The following GCN1 variants were observed in gnomAD, a reference collection of about 807,000 sequenced individuals.
GCN1 encodes stalled ribosome sensor GCN1.
A neutral mutation model predicts 288.4 loss-of-function variants in GCN1; 90 were observed. That is an observed-to-expected ratio of 0.31 (90% CI 0.26 to 0.37). The LOEUF (loss-of-function observed/expected upper bound fraction) is 0.37. GCN1 is among the 10% of genes least tolerant of loss of function. GCN1 has a pLI of 1.00. For synonymous variants in GCN1, 1,386 were observed against 1,420.2 expected, an observed-to-expected ratio of 0.98 and a Z score of 0.54; for missense variants, 2,586 against 3,419.9, an observed-to-expected ratio of 0.76 and a Z score of 6.08.
intron 20 of GCN1, among the ~76,000 whole-genome samples, 183 bp downstream of exon 20, chr12:120,162,664 T>C (rs1254412222): frequency 6.6e-6 from 1 of 152,256 alleles, no homozygotes; most frequent in African/African-American, 2.4e-5. Flanking sequence ...ACTTTGCAGG[T>C]AAATGAGGCA....
At chr12:120,136,841 A>G in intron 50 of GCN1, 109 bp from the exon 51 acceptor site, 1 of 746,484 alleles carries the variant, frequency 1.3e-6, no homozygotes, top group Non-Finnish European at 2.3e-6. Flanking sequence ...ACTCCATGGG[A>G]GATATTGATT....
Position 120,134,774 on chromosome 12 carries a change from A to G in GCN1, c.7009-48T>C. 1.3e-6 allele frequency: 2 copies of G among 1,500,358 alleles called. No individual in the cohort carries two copies. The highest frequency in any genetic ancestry group is 1.9e-6 in the Non-Finnish European group (2 of 1,079,302). The allele number at this position is 1,500,358 out of a possible 1,614,324, so 92.9% of individuals were successfully genotyped here. On this transcript the variant is annotated intron_variant, in intron 51 of 57. Coordinates refer to ENST00000300648, the MANE Select transcript of GCN1 (RefSeq NM_006836.2). The surrounding 1 kb of genome is among the most constrained non-coding windows in gnomAD (Gnocchi z 5.0). ...TGAAAGACAGTTGTGGTAGACCCAA[A>G]GCCACAGTGTACCACAGGCATGAGA...
At chr12:120,167,386 C>CTG (rs1878168199) in intron 16 of GCN1, among the ~76,000 whole-genome samples, 1 of 149,176 alleles carries the variant, frequency 6.7e-6, no homozygotes, top group Non-Finnish European at 1.5e-5. Context: ...TGATGAAGTT[C>CTG]ATTATATACT....
rs202152834 is a variant in GCN1 at position 120,155,679 on chromosome 12, G to A, written c.3353C>T (p.Thr1118Ile). 1.2e-6 allele frequency: 2 copies of A among 1,613,950 alleles called. No individual in the cohort carries two copies. Among genetic ancestry groups the A allele is most frequent in the Non-Finnish European group, 1.7e-6 (2 of 1,179,886 alleles). The change falls in exon 29 of 58, where the codon ACT becomes ATT. Residue 1118 changes from threonine to isoleucine, a missense_variant. This residue lies in a region of GCN1 where 332 missense variants were observed against 403.0 expected (regional missense o/e 0.82). Coordinates refer to ENST00000300648, the MANE Select transcript of GCN1 (RefSeq NM_006836.2). The surrounding 1 kb of genome is among the most constrained non-coding windows in gnomAD (Gnocchi z 4.9). Reference sequence around the variant, plus strand: ...AAGGTTCAGGCCATTCTTCTCATCAGTATCAGGTGCTGGCAATACCATGTG... The same window carrying A: ...AAGGTTCAGGCCATTCTTCTCATCAATATCAGGTGCTGGCAATACCATGTG... ...ELHMVLPAPD[T>I]DEKNGLNLLR...
intron 18 of GCN1, among the ~76,000 whole-genome samples, chr12:120,163,891 G>T (rs1167134861): frequency 6.6e-6 from 1 of 152,210 alleles, no homozygotes; most frequent in African/African-American, 2.4e-5. Flanking sequence ...GGGAAGCCGA[G>T]GTAGGAGGAT....
At position 120,142,923 on chromosome 12, in the gene GCN1, G is replaced by C; in HGVS notation, c.5514C>G (p.Leu1838=). The change falls in exon 43 of 58, where the codon CTC becomes CTG. Residue 1838 remains leucine (L), a synonymous_variant. Coordinates refer to ENST00000300648, the MANE Select transcript of GCN1 (RefSeq NM_006836.2). This position sits in a 1 kb window ranked among gnomAD's most constrained non-coding sequence, Gnocchi z 4.9. The part of the protein sequence containing the change: ...LWRIRFSSVQ[L]LGDLLFHISG... ...AGATGTGAAACAGGAGATCCCCAAG[G>C]AGCTGAACAGAGCTGAACCTGAGAA... The C allele has an allele frequency of 1.2e-6, 2 of 1,608,362 alleles. No homozygotes were observed. The highest frequency in any genetic ancestry group is 2.2e-5 in the South Asian group (2 of 91,006).
chr12:120,148,357 C>A lies in GCN1; in HGVS notation c.4547-11G>T. ...GAAGCTCCACTGACCCTGTGGATAGCAGACACAAGCCCAGTACTGAATCAC... is the reference window on the plus strand; with the variant it reads ...GAAGCTCCACTGACCCTGTGGATAGAAGACACAAGCCCAGTACTGAATCAC... On this transcript the variant is annotated splice_polypyrimidine_tract_variant and intron_variant, in intron 36 of 57. Coordinates refer to ENST00000300648, the MANE Select transcript of GCN1 (RefSeq NM_006836.2). The A allele has an allele frequency of 6.2e-7, 1 of 1,608,322 alleles. No individual in the cohort carries two copies. The highest frequency in any genetic ancestry group is 8.5e-7 in the Non-Finnish European group (1 of 1,176,276).
At position 120,129,365 on chromosome 12, in the gene GCN1, T is replaced by C; in HGVS notation, c.7801A>G (p.Thr2601Ala). The C allele has an allele frequency of 6.2e-7, 1 of 1,614,136 alleles. No individual in the cohort carries two copies. Among genetic ancestry groups the C allele is most frequent in the Non-Finnish European group, 8.5e-7 (1 of 1,179,996 alleles). ...KPILKALLDN[T>A]KDKNTVVRAY... ...CTGACCACGGTGTTCTTATCCTTGG[T>C]GTTGTCAAGAAGAGCCTTCAGGATG... Residue 2601 changes from threonine to alanine, a missense_variant, in exon 57 of 58, where the codon ACC becomes GCC. Thr to Ala is a moderately conservative substitution (Grantham distance 58). Transcript: ENST00000300648.
Position 120,160,207 on chromosome 12 carries a change from T to C in GCN1, c.2485A>G (p.Lys829Glu), listed in dbSNP as rs1157289358. The C allele has an allele frequency of 1.2e-6, 2 of 1,612,504 alleles. No individual in the cohort carries two copies. Among genetic ancestry groups the C allele is most frequent in the Non-Finnish European group, 1.7e-6 (2 of 1,180,008 alleles). The change falls in exon 23 of 58, where the codon AAG becomes GAG. Residue 829 changes from lysine (K) to glutamate (E), a missense_variant. Physicochemically the swap from Lys to Glu is moderately conservative, Grantham distance 56. Around this residue, in one of 8 missense-constraint regions of GCN1, gnomAD observed 913 missense variants for 1,107.0 expected, o/e 0.82. Transcript: ENST00000300648. The part of the protein sequence containing the change: ...GIKEEVQLTS[K>E]QKEMLQAQLD... ...TGGGCCTGCAGCATCTCCTTCTGCT[T>C]GCTGGTCAGCTGCACCTCCTCTTTG...
At chr12:120,184,527 T>C (rs1023804457) in intron 3 of GCN1, among the ~76,000 whole-genome samples, 6 of 152,140 alleles carry the variant, frequency 3.9e-5, no homozygotes, top group African/African-American at 9.7e-5. Context: ...TTAACACACA[T>C]GACTAAATGG....
rs758497896 is a variant in GCN1, at chr12:120,156,503, G to C, written c.3270C>G (p.Ala1090=). The change falls in exon 28 of 58, where the codon GCC becomes GCG. Residue 1090 remains alanine, a synonymous_variant. Transcript: ENST00000300648. The surrounding 1 kb of genome is among the most constrained non-coding windows in gnomAD (Gnocchi z 5.8). ...GCACGCTGGCACACGGGGACTGCAAGGCACAGAGCAGCACGTCCACCTCCT... is the reference window on the plus strand; with the variant it reads ...GCACGCTGGCACACGGGGACTGCAACGCACAGAGCAGCACGTCCACCTCCT... The part of the protein sequence containing the change: ...EQEEVDVLLC[A]LQSPCASVRE... 3.7e-6 allele frequency: 6 copies of C among 1,614,106 alleles called. No homozygotes were observed. In the Admixed American group the frequency reaches 1.0e-4, roughly 27 times the overall value.
chr12:120,165,002 T>TACACAC (rs55710290), intron 16 of GCN1, among the ~76,000 whole-genome samples: 4,349 of 136,760 alleles, frequency 0.032, 128 homozygotes, highest in East Asian at 0.17. Context: ...TACACATATA[T>TACACAC]ACACACACAC....
Position 120,158,516 on chromosome 12 carries a change from G to A in GCN1, c.2849C>T (p.Ala950Val), listed in dbSNP as rs575068347. 1.1e-5 allele frequency: 17 copies of A among 1,577,082 alleles called. No homozygotes were observed. Among genetic ancestry groups the A allele is most frequent in the Admixed American group, 7.4e-5 (4 of 54,312 alleles). Residue 950 changes from alanine to valine, a missense_variant, in exon 25 of 58, where the codon GCG (alanine) becomes GTG (valine). Ala to Val is a moderately conservative substitution (Grantham distance 64). Transcript: ENST00000300648. The surrounding 1 kb of genome is among the most constrained non-coding windows in gnomAD (Gnocchi z 4.3). ...QEELSVAVKR[A>V]VMLLHTHTIT... ...GGTGTGGGTGTGCAGCAGCATCACC[G>A]CCCTCTTCACAGCCACCGACAGCTC...
chr12:120,145,254 A>G lies in GCN1; in HGVS notation c.5016+8T>C. 1 of 1,594,650 alleles carries G rather than the reference A, an allele frequency of 6.3e-7. No homozygotes were observed. Among genetic ancestry groups the G allele is most frequent in the South Asian group, 1.1e-5 (1 of 88,442 alleles). On this transcript the variant is annotated splice_region_variant and intron_variant, in intron 39 of 57. Coordinates refer to ENST00000300648, the MANE Select transcript of GCN1 (RefSeq NM_006836.2). The stretch of plus-strand genomic sequence containing the variant: ...CCTGGCCCATCCCCCAGCCTACCTC[A>G]GACTCACCTCAGGCACAGGGTCCAA...
chr12:120,144,403 C>A lies in GCN1; in HGVS notation c.5398G>T (p.Ala1800Ser), dbSNP rs761695002. 6.2e-7 allele frequency: 1 copy of A among 1,614,146 alleles called. No homozygotes were observed. The highest frequency in any genetic ancestry group is 1.1e-5 in the South Asian group (1 of 91,090). The change falls in exon 42 of 58, where the codon GCG becomes TCG. Residue 1800 changes from alanine to serine, a missense_variant. By Grantham distance (99) the Ala-to-Ser change is moderately conservative. Around this residue, in one of 8 missense-constraint regions of GCN1, gnomAD observed 371 missense variants for 572.6 expected, o/e 0.65. Coordinates refer to ENST00000300648, the MANE Select transcript of GCN1 (RefSeq NM_006836.2). The surrounding 1 kb of genome is among the most constrained non-coding windows in gnomAD (Gnocchi z 4.7). ...NEFVRDTALR[A>S]GQRVISMYAE... ...TACATGGAGATAACCCGCTGGCCCGCGCGCAGGGCGGTGTCACGCACAAAC... is the reference window on the plus strand; with the variant it reads ...TACATGGAGATAACCCGCTGGCCCGAGCGCAGGGCGGTGTCACGCACAAAC...
In GCN1 at chr12:120,134,800, AC is replaced by A. The variant is rs1876944918; in HGVS notation, c.7009-75del. ...GCCACAGTGTACCACAGGCATGAGA[AC>A]AAATGACAATCCCAAACCACCACAG... On this transcript the variant is annotated intron_variant, in intron 51 of 57. Coordinates refer to ENST00000300648, the MANE Select transcript of GCN1 (RefSeq NM_006836.2). This position sits in a 1 kb window ranked among gnomAD's most constrained non-coding sequence, Gnocchi z 5.0. 9 of 1,282,938 alleles carry A rather than the reference AC, an allele frequency of 7.0e-6. No homozygotes were observed. The Admixed American group carries it at 1.6e-4, about 22-fold the overall frequency. The allele number at this position is 1,282,938 out of a possible 1,614,324, so 79.5% of individuals were successfully genotyped here.
chr12:120,144,509 C>T lies in GCN1; in HGVS notation c.5353-61G>A. 1 of 1,582,856 alleles carries T rather than the reference C, an allele frequency of 6.3e-7. No homozygotes were observed. Among genetic ancestry groups the T allele is most frequent in the Non-Finnish European group, 8.6e-7 (1 of 1,162,466 alleles). On this transcript the variant is annotated intron_variant, in intron 41 of 57. Transcript: ENST00000300648. The surrounding 1 kb of genome is among the most constrained non-coding windows in gnomAD (Gnocchi z 4.7). ...ACCCCCAGGCCCCCAGCCCAAAAAA[C>T]ATGGGGCTCACTGAAGGCTGAGGGC...
intron 53 of GCN1, among the ~76,000 whole-genome samples, chr12:120,133,798 G>A (rs543465584): frequency 6.6e-6 from 1 of 152,308 alleles, no homozygotes; most frequent in Non-Finnish European, 1.5e-5. Flanking sequence ...GCCGGGCGCG[G>A]TGGCTCATGC....
intron 2 of GCN1, among the ~76,000 whole-genome samples, chr12:120,189,121 G>A (rs1385034393): frequency 1.3e-5 from 2 of 152,166 alleles, no homozygotes; most frequent in South Asian, 2.1e-4. Flanking sequence ...CCAGGCTGGA[G>A]TGCAGTAGCA....
Sources: gnomAD v4.1 joint callset for allele counts (sites outside exome capture counted in the v4.1 genomes callset) on GRCh38, gnomAD v4.1.1 for gene constraint, gnomAD v4.1.1 regional missense constraint, Gnocchi (gnomAD v3.1) non-coding constraint, MANE v1.5 for transcripts, NCBI Gene and HGNC (gene_info 2026-07-23, HGNC 2026-07-21) for gene names.